The following TRPC6 variants were observed in gnomAD, a reference collection of about 807,000 sequenced individuals.
TRPC6 encodes the protein short transient receptor potential channel 6.
Under a neutral mutation model 90.7 loss-of-function variants are expected in TRPC6, and 55 were observed. The observed-to-expected ratio is 0.61, with a 90% CI of 0.49 to 0.76. The LOEUF is 0.76. Ranked by LOEUF, TRPC6 falls within the 30% of genes least tolerant of loss-of-function variation. The probability of loss-of-function intolerance (pLI) is 0.00; values close to 1 mark genes in which losing one functional copy is unlikely to be tolerated. For missense variants in TRPC6, 989 were observed against 1,122.7 expected (o/e 0.88, Z 1.70); for synonymous variants, 393 against 393.0 (o/e 1.00, Z 0.00).
chr11:101,489,848 C>G (rs1204711093), intron 3 of TRPC6, among the ~76,000 whole-genome samples: 1 of 151,954 alleles, frequency 6.6e-6, no homozygotes, highest in Non-Finnish European at 1.5e-5. Context: ...GGTGGTTAAC[C>G]TCAAAGGTAG....
At chr11:101,498,502 C>T (rs557097033) in intron 2 of TRPC6, among the ~76,000 whole-genome samples, 2 of 152,148 alleles carry the variant, frequency 1.3e-5, no homozygotes, top group Non-Finnish European at 2.9e-5. Context: ...TAACAAAACA[C>T]TTAGGCCTAG....
chr11:101,575,115 G>A (rs1862043366), intron 1 of TRPC6, among the ~76,000 whole-genome samples: 1 of 152,092 alleles, frequency 6.6e-6, no homozygotes, highest in South Asian at 2.1e-4. Context: ...TGCAAATCTT[G>A]TGGTTAAATC....
Position 101,583,786 on chromosome 11 carries a change from A to C in TRPC6, c.-283T>G, listed in dbSNP as rs532758200. 2.7e-6 allele frequency: 1 copy of C among 365,462 alleles called. No homozygotes were observed. 22.6% of individuals were successfully genotyped at this position (365,462 alleles called of 1,614,324 possible). On this transcript the variant is annotated 5_prime_UTR_variant, in exon 1 of 13. Coordinates refer to ENST00000344327, the MANE Select transcript of TRPC6 (RefSeq NM_004621.6). ...GGATGCGTCTGGGGCGCCCGGGCAGAGAGGGCACAGGCGGGGCCGCTGGTG... is the reference window on the plus strand; with the variant it reads ...GGATGCGTCTGGGGCGCCCGGGCAGCGAGGGCACAGGCGGGGCCGCTGGTG...
intron 2 of TRPC6, among the ~76,000 whole-genome samples, chr11:101,493,812 A>G (rs559633066): frequency 5.9e-5 from 9 of 152,312 alleles, no homozygotes; most frequent in African/African-American, 1.9e-4. Context: ...ATGTCAGTCA[A>G]TAAGGCCATA....
rs147813513 is a variant in TRPC6 at position 101,468,448 on chromosome 11, G to A, written c.2484+979C>T. On this transcript the variant is annotated intron_variant, in intron 10 of 12. Coordinates refer to ENST00000344327, the MANE Select transcript of TRPC6 (RefSeq NM_004621.6). ...AACATAACCAGCTTAACAAAAAAAT[G>A]GTCTCCCTCCTTGTCATTTGTATTC... Among the ~76,000 whole-genome samples, 266 of 152,220 alleles carry A rather than the reference G, an allele frequency of 1.7e-3. 1 individual carries two copies. The highest frequency in any genetic ancestry group is 2.8e-3 in the Non-Finnish European group (188 of 68,004).
At chr11:101,504,859 G>A (rs1860221620) in intron 1 of TRPC6, 61 bp from the exon 2 acceptor site, 1 of 1,581,992 alleles carries the variant, frequency 6.3e-7, no homozygotes, top group Non-Finnish European at 8.6e-7. Context: ...TGTGCCAAAT[G>A]ACTTGCCATT....
chr11:101,523,671 T>C (rs17096854), intron 1 of TRPC6, among the ~76,000 whole-genome samples: 1,571 of 152,326 alleles, frequency 0.01, 9 homozygotes, highest in Non-Finnish European at 0.015. Context: ...AGATACTTAT[T>C]GTTAGCTGAA....
chr11:101,582,826 G>A (rs1862227579), intron 1 of TRPC6, among the ~76,000 whole-genome samples: 2 of 152,076 alleles, frequency 1.3e-5, no homozygotes, highest in South Asian at 2.1e-4. Context: ...GGACCTCAGC[G>A]CTCAGCCCGA....
intron 1 of TRPC6, among the ~76,000 whole-genome samples, chr11:101,507,053 A>G (rs1860290917): frequency 1.0e-5 from 1 of 96,106 alleles, no homozygotes; most frequent in Non-Finnish European, 2.3e-5. Context: ...ACACACACAG[A>G]CCCCCTTCAT....
At chr11:101,495,854 T>A (rs1404468060) in intron 2 of TRPC6, among the ~76,000 whole-genome samples, 1 of 152,138 alleles carries the variant, frequency 6.6e-6, no homozygotes, top group African/African-American at 2.4e-5. Flanking sequence ...AATAAGATTC[T>A]ACATGTGAGG....
chr11:101,481,868 C>T (rs904853850), intron 5 of TRPC6, among the ~76,000 whole-genome samples: 1 of 152,214 alleles, frequency 6.6e-6, no homozygotes, highest in Non-Finnish European at 1.5e-5. Flanking sequence ...TCTCCCATCA[C>T]TCGCATCCAT....
chr11:101,465,528 T>A (rs1199467583), intron 10 of TRPC6, among the ~76,000 whole-genome samples: 1 of 152,202 alleles, frequency 6.6e-6, no homozygotes. Context: ...ATGTTTTATT[T>A]CAGTAAGTTG....
chr11:101,453,511 G>T, intron 12 of TRPC6, 139 bp downstream of exon 12: 1 of 835,694 alleles, frequency 1.2e-6, no homozygotes, highest in Non-Finnish European at 2.0e-6. Flanking sequence ...ACAGAACGGC[G>T]GTTGGTGAGA....
chr11:101,523,524 T>C (rs1015687185), intron 1 of TRPC6, among the ~76,000 whole-genome samples: 11 of 152,188 alleles, frequency 7.2e-5, no homozygotes, highest in Admixed American at 3.3e-4. Flanking sequence ...TTTAAATCAA[T>C]AATAGCAGAA....
At chr11:101,500,294 C>T (rs1413208342) in intron 2 of TRPC6, among the ~76,000 whole-genome samples, 6 of 149,352 alleles carry the variant, frequency 4.0e-5, no homozygotes, top group Admixed American at 6.7e-5. Flanking sequence ...CTGCAACCTC[C>T]GCCTCCCAGG....
At chr11:101,537,522 T>C (rs1184625741) in intron 1 of TRPC6, among the ~76,000 whole-genome samples, 2 of 152,328 alleles carry the variant, frequency 1.3e-5, no homozygotes, top group African/African-American at 4.8e-5. Context: ...TGCTACCACA[T>C]GGCCTTATGT....
intron 1 of TRPC6, among the ~76,000 whole-genome samples, chr11:101,575,997 A>G (rs1862061798): frequency 6.6e-6 from 1 of 152,160 alleles, no homozygotes; most frequent in Non-Finnish European, 1.5e-5. Context: ...CTGAGAGAAT[A>G]GAGGACTGAG....
intron 6 of TRPC6, among the ~76,000 whole-genome samples, chr11:101,474,749 T>C (rs1859373970): frequency 6.6e-6 from 1 of 152,156 alleles, no homozygotes; most frequent in Non-Finnish European, 1.5e-5. Flanking sequence ...AAATGAGTAT[T>C]CAAAGGGAAT....
intron 2 of TRPC6, 53 bp downstream of exon 2, chr11:101,503,971 T>C (rs1860192926): frequency 6.2e-7 from 1 of 1,611,496 alleles, no homozygotes; most frequent in Non-Finnish European, 8.5e-7. Flanking sequence ...AGCTGGTAAA[T>C]ACACCTTGAC....
Sources: gnomAD v4.1 joint callset for allele counts (sites outside exome capture counted in the v4.1 genomes callset) on GRCh38, gnomAD v4.1.1 for gene constraint, MANE v1.5 for transcripts, NCBI Gene and HGNC (gene_info 2026-07-23, HGNC 2026-07-21) for gene names.